Variants in STARD13 observed in about 807,000 individuals in gnomAD.
The protein encoded by STARD13 is stAR-related lipid transfer protein 13.
Under a neutral mutation model 106.4 loss-of-function variants are expected in STARD13, and 62 were observed. That is an observed-to-expected ratio of 0.58 (90% CI 0.48 to 0.72). STARD13 has a LOEUF of 0.72. Among genes scored for constraint, STARD13 ranks in the 30% least tolerant of loss-of-function variants. The pLI, the probability that STARD13 is intolerant of heterozygous loss-of-function variation, is 0.00. For synonymous variants in STARD13, 565 were observed against 553.0 expected, an observed-to-expected ratio of 1.02 and a Z score of -0.31; for missense variants, 1,387 against 1,424.0, an observed-to-expected ratio of 0.97 and a Z score of 0.42.
chr13:33,231,631 G>T (rs1462959227), intron 1 of STARD13, among the ~76,000 whole-genome samples: 4 of 152,048 alleles, frequency 2.6e-5, no homozygotes, highest in Non-Finnish European at 5.9e-5. Context: ...TCTCACTTTG[G>T]AGCTCTATTT....
chr13:33,572,665 CA>C, the STARD13 span, among the ~76,000 whole-genome samples: 6 of 152,064 alleles, frequency 3.9e-5, no homozygotes, highest in Non-Finnish European at 7.4e-5. Context: ...CCTCTGTATC[CA>C]AGGGGTTCCA....
chr13:33,389,555 G>C, the STARD13 span, among the ~76,000 whole-genome samples: 1 of 151,976 alleles, frequency 6.6e-6, no homozygotes, highest in Non-Finnish European at 1.5e-5. Context: ...AATAATATGG[G>C]TTTACAATCT....
the STARD13 span, among the ~76,000 whole-genome samples, chr13:33,525,875 G>C: frequency 3.3e-5 from 5 of 152,112 alleles, no homozygotes; most frequent in Admixed American, 6.6e-5. Flanking sequence ...CTACCTAACA[G>C]TGGACCTAAG....
At chr13:33,162,999 A>C (rs1367877492) in intron 3 of STARD13, among the ~76,000 whole-genome samples, 1 of 152,180 alleles carries the variant, frequency 6.6e-6, no homozygotes, top group Non-Finnish European at 1.5e-5. Flanking sequence ...AAAGAGGTTT[A>C]ATTGGACTTA....
chr13:33,519,464 A>G, the STARD13 span, among the ~76,000 whole-genome samples: 1 of 151,454 alleles, frequency 6.6e-6, no homozygotes, highest in African/African-American at 2.4e-5. Context: ...TGCTGAGATT[A>G]CAGGTGTGAG....
intron 1 of STARD13, among the ~76,000 whole-genome samples, chr13:33,213,217 G>C (rs1202002475): frequency 6.6e-6 from 1 of 151,972 alleles, no homozygotes; most frequent in Non-Finnish European, 1.5e-5. Flanking sequence ...TTATCTCTGT[G>C]GACATTTCAC....
chr13:33,143,509 C>A (rs1004759309), intron 3 of STARD13, among the ~76,000 whole-genome samples: 1 of 152,160 alleles, frequency 6.6e-6, no homozygotes, highest in Non-Finnish European at 1.5e-5. Context: ...GTTACCTATT[C>A]TCTTGCTGAT....
chr13:33,443,586 A>G, the STARD13 span, among the ~76,000 whole-genome samples: 3 of 151,964 alleles, frequency 2.0e-5, no homozygotes, highest in South Asian at 6.2e-4. Context: ...GCAATATAAC[A>G]CATTAAGAGG....
intron 1 of STARD13, among the ~76,000 whole-genome samples, chr13:33,297,421 C>G (rs1332089363): frequency 6.6e-6 from 1 of 152,226 alleles, no homozygotes; most frequent in Non-Finnish European, 1.5e-5. Flanking sequence ...TTAAAACCCT[C>G]TCTTTCATTC....
the STARD13 span, among the ~76,000 whole-genome samples, chr13:33,664,633 C>G: frequency 0.014 from 2,060 of 152,212 alleles, 38 homozygotes; most frequent in African/African-American, 0.046. Context: ...ACTATTGACT[C>G]TTTTATTTAT....
chr13:33,542,610 GC>G, the STARD13 span, among the ~76,000 whole-genome samples: 1 of 152,068 alleles, frequency 6.6e-6, no homozygotes, highest in African/African-American at 2.4e-5. Flanking sequence ...ACCAGGGCCC[GC>G]TGGCGCCGCC....
chr13:33,434,611 A>C, the STARD13 span, among the ~76,000 whole-genome samples: 11 of 152,190 alleles, frequency 7.2e-5, no homozygotes, highest in African/African-American at 2.6e-4. Flanking sequence ...GTATTCCTCT[A>C]GTATCTTGGA....
the STARD13 span, among the ~76,000 whole-genome samples, chr13:33,455,969 A>C: frequency 6.6e-6 from 1 of 152,106 alleles, no homozygotes; most frequent in South Asian, 2.1e-4. Flanking sequence ...TAAATAAATA[A>C]ATACATAAAT....
At chr13:33,117,069 T>C (rs1328631750) in intron 8 of STARD13, among the ~76,000 whole-genome samples, 1 of 152,192 alleles carries the variant, frequency 6.6e-6, no homozygotes, top group Non-Finnish European at 1.5e-5. Flanking sequence ...TAATTCATAA[T>C]GTTAACATTG....
chr13:33,326,758 T>C (rs1350321878), intron 1 of STARD13, among the ~76,000 whole-genome samples: 1 of 152,258 alleles, frequency 6.6e-6, no homozygotes, highest in East Asian at 1.9e-4. Flanking sequence ...TGCTTTCACA[T>C]AGGTTATCTT....
the STARD13 span, among the ~76,000 whole-genome samples, chr13:33,401,384 T>G: frequency 2.6e-5 from 4 of 152,198 alleles, no homozygotes; most frequent in African/African-American, 9.6e-5. Context: ...CACTCTGAAA[T>G]GCATTGTTTC....
chr13:33,331,345 T>G (rs1594271994), intron 1 of STARD13, among the ~76,000 whole-genome samples: 1 of 96,812 alleles, frequency 1.0e-5, no homozygotes, highest in Non-Finnish European at 2.4e-5. Context: ...TCTTCATTCT[T>G]GTTTTCTTGT....
chr13:33,369,891 C>G, the STARD13 span, among the ~76,000 whole-genome samples: 3 of 152,106 alleles, frequency 2.0e-5, no homozygotes, highest in Non-Finnish European at 4.4e-5. Context: ...AATTGTTTAA[C>G]TTTAATTTCT....
At chr13:33,475,269 T>C in the STARD13 span, among the ~76,000 whole-genome samples, 1 of 152,196 alleles carries the variant, frequency 6.6e-6, no homozygotes, top group Non-Finnish European at 1.5e-5. Context: ...AGAATAAGAA[T>C]TCTAGTTAAT....
Sources: allele counts gnomAD v4.1 joint callset (sites outside exome capture counted in the v4.1 genomes callset), GRCh38; gene constraint gnomAD v4.1.1; transcripts MANE v1.5; gene names NCBI Gene and HGNC (gene_info 2026-07-23, HGNC 2026-07-21).